TMEM67: variants seen among roughly 807,000 people sequenced by gnomAD.
TMEM67 encodes the protein transmembrane protein 67, also known as meckelin.
TMEM67 carries 124 observed loss-of-function variants against 136.6 expected under a neutral mutation model. That is an observed-to-expected ratio of 0.91 (90% CI 0.78 to 1.05). The LOEUF (loss-of-function observed/expected upper bound fraction) is 1.05, where lower values mean the gene tolerates loss of function less well. TMEM67 is among the 50% of genes least tolerant of loss of function. TMEM67 has a pLI of 0.00. For synonymous variants in TMEM67, 364 were observed against 390.5 expected, an observed-to-expected ratio of 0.93 and a Z score of 0.80; for missense variants, 1,107 against 1,178.4, an observed-to-expected ratio of 0.94 and a Z score of 0.89.
At chr8:93,788,699 T>C (rs920837969) in intron 14 of TMEM67, among the ~76,000 whole-genome samples, 1 of 152,194 alleles carries the variant, frequency 6.6e-6, no homozygotes, top group African/African-American at 2.4e-5. Context: ...AAAGAGATGA[T>C]GATTATCAGC....
chr8:93,819,994 T>A (rs1286175765), downstream of TMEM67, among the ~76,000 whole-genome samples: 1 of 152,090 alleles, frequency 6.6e-6, no homozygotes, highest in Non-Finnish European at 1.5e-5. Flanking sequence ...TTCCTCTTCC[T>A]TAAATCATCC....
intron 16 of TMEM67, among the ~76,000 whole-genome samples, chr8:93,794,223 A>G (rs1814509012): frequency 6.6e-6 from 1 of 152,110 alleles, no homozygotes; most frequent in East Asian, 1.9e-4. Flanking sequence ...TCATATCTGA[A>G]TATTTTTTTT....
the TMEM67 span, among the ~76,000 whole-genome samples, chr8:93,830,130 A>G: frequency 6.6e-6 from 1 of 152,124 alleles, no homozygotes; most frequent in African/African-American, 2.4e-5. Flanking sequence ...CCTTTGTCCA[A>G]ACACATTTCT....
At chr8:93,759,214 C>G (rs1319754384) in intron 3 of TMEM67, 1 of 152,050 alleles carries the variant, frequency 6.6e-6, no homozygotes, top group East Asian at 1.9e-4. Flanking sequence ...TTAATCCTAG[C>G]ACTTTGGAAG....
chr8:93,821,240 G>T (rs1009506279), downstream of TMEM67, among the ~76,000 whole-genome samples: 3 of 152,158 alleles, frequency 2.0e-5, no homozygotes, highest in Non-Finnish European at 4.4e-5. Flanking sequence ...GTTTCTAGAA[G>T]ATAAAAGGGG....
rs1343054398 is a variant in TMEM67, at chr8:93,795,401, A to C, written c.1675-8A>C. The C allele has an allele frequency of 1.2e-6, 2 of 1,612,698 alleles. No homozygotes were observed. Among genetic ancestry groups the C allele is most frequent in the Non-Finnish European group, 1.7e-6 (2 of 1,178,880 alleles). On this transcript the variant is annotated splice_region_variant and splice_polypyrimidine_tract_variant and intron_variant, in intron 16 of 27. Coordinates refer to ENST00000453321, the MANE Select transcript of TMEM67 (RefSeq NM_153704.6). ...TAAACAGCTGTAATTCTTTTTTTTA[A>C]ATTGCAGACAGTTGTGAAATTCTTG...
At chr8:93,784,068 G>A (rs1813984493) in intron 11 of TMEM67, among the ~76,000 whole-genome samples, 2 of 152,154 alleles carry the variant, frequency 1.3e-5, no homozygotes, top group South Asian at 4.1e-4. Context: ...AAAGTAGATT[G>A]GAAGAATCTA....
intron 23 of TMEM67, 27 bp from the exon 24 acceptor site, chr8:93,808,813 C>G: frequency 7.0e-7 from 1 of 1,437,988 alleles, no homozygotes; most frequent in Non-Finnish European, 9.8e-7. Context: ...TAATTTTGAT[C>G]TTAACTTAAA....
At chr8:93,824,320 A>G in the TMEM67 span, among the ~76,000 whole-genome samples, 1 of 152,218 alleles carries the variant, frequency 6.6e-6, no homozygotes, top group Admixed American at 6.5e-5. Context: ...TGTATCACAC[A>G]AGCACAACAA....
intron 2 of TMEM67, among the ~76,000 whole-genome samples, chr8:93,758,109 G>T (rs1812663148): frequency 6.6e-6 from 1 of 152,164 alleles, no homozygotes; most frequent in Non-Finnish European, 1.5e-5. Context: ...TTTAGAACAG[G>T]TAAGATTAAC....
intron 7 of TMEM67, among the ~76,000 whole-genome samples, chr8:93,777,046 T>A (rs1375057973): frequency 6.6e-6 from 1 of 152,234 alleles, no homozygotes; most frequent in Non-Finnish European, 1.5e-5. Flanking sequence ...GTTGGTCTAT[T>A]CAGAGATTCA....
chr8:93,779,984 G>C (rs561632674), intron 7 of TMEM67, among the ~76,000 whole-genome samples: 7 of 152,288 alleles, frequency 4.6e-5, no homozygotes, highest in Admixed American at 3.9e-4. Context: ...GCCAGAGGTG[G>C]AGTCAACAGA....
chr8:93,809,575 C>T (rs1294478351), intron 25 of TMEM67, among the ~76,000 whole-genome samples: 1 of 151,972 alleles, frequency 6.6e-6, no homozygotes, highest in African/African-American at 2.4e-5. Context: ...TATATCTAGC[C>T]CTAAATACTA....
chr8:93,776,753 C>T (rs111468975), intron 7 of TMEM67, among the ~76,000 whole-genome samples: 2 of 152,152 alleles, frequency 1.3e-5, no homozygotes, highest in Non-Finnish European at 2.9e-5. Flanking sequence ...ATTTGGTTTG[C>T]CAGTATTTTA....
At chr8:93,825,098 G>A in the TMEM67 span, among the ~76,000 whole-genome samples, 1 of 152,202 alleles carries the variant, frequency 6.6e-6, no homozygotes. Context: ...GATAATAGAA[G>A]TACAGTTGTT....
At chr8:93,795,671 C>T (rs1814579706) in intron 17 of TMEM67, among the ~76,000 whole-genome samples, 164 bp downstream of exon 17, 1 of 152,130 alleles carries the variant, frequency 6.6e-6, no homozygotes, top group Non-Finnish European at 1.5e-5. Flanking sequence ...GATTACATCA[C>T]TATCTTCCTC....
chr8:93,831,572 G>A, the TMEM67 span, among the ~76,000 whole-genome samples: 1 of 152,156 alleles, frequency 6.6e-6, no homozygotes, highest in African/African-American at 2.4e-5. Flanking sequence ...CAAGTGAACT[G>A]GTGAGTATCT....
chr8:93,797,513 T>G (rs1342705572), intron 20 of TMEM67, 43 bp downstream of exon 20: 10 of 1,559,682 alleles, frequency 6.4e-6, no homozygotes, highest in Non-Finnish European at 8.8e-6. Context: ...TACATGTACC[T>G]TATAAATATT....
chr8:93,821,533 C>G (rs769285628), downstream of TMEM67, among the ~76,000 whole-genome samples: 4 of 152,186 alleles, frequency 2.6e-5, no homozygotes, highest in Non-Finnish European at 4.4e-5. Flanking sequence ...ATCCTCCACC[C>G]TCATTCTCCC....
Sources: allele counts gnomAD v4.1 joint callset (sites outside exome capture counted in the v4.1 genomes callset), GRCh38; gene constraint gnomAD v4.1.1; transcripts MANE v1.5; gene names NCBI Gene and HGNC (gene_info 2026-07-23, HGNC 2026-07-21).